The following ANO3 variants were observed in gnomAD, a reference collection of about 807,000 sequenced individuals.
The protein encoded by ANO3 is anoctamin-3.
A neutral mutation model predicts 144.8 loss-of-function variants in ANO3; 99 were observed. The ratio of observed to expected loss-of-function variants is 0.68; its 90% CI spans 0.58 to 0.81. The LOEUF is 0.81. Among genes scored for constraint, ANO3 ranks in the 30% least tolerant of loss-of-function variants. The probability of loss-of-function intolerance (pLI) is 0.00; values close to 1 mark genes in which losing one functional copy is unlikely to be tolerated. For missense variants in ANO3, 905 were observed against 1,202.2 expected (o/e 0.75, Z 3.66); for synonymous variants, 414 against 392.6 (o/e 1.05, Z -0.64).
intron 5 of ANO3, among the ~76,000 whole-genome samples, chr11:26,512,462 C>T (rs551006784): frequency 5.3e-5 from 8 of 152,244 alleles, no homozygotes; most frequent in African/African-American, 7.2e-5. Flanking sequence ...GCATCATCCC[C>T]GCACCAGCCC....
chr11:26,261,108 C>T (rs1178058155), intron 1 of ANO3, among the ~76,000 whole-genome samples: 4 of 152,128 alleles, frequency 2.6e-5, no homozygotes, highest in African/African-American at 7.2e-5. Context: ...GAGAATTTAA[C>T]TTTTCAGTTC....
chr11:26,659,079 T>TACAC lies in ANO3; in HGVS notation c.2764-1165_2764-1162dup, dbSNP rs145583088. ...ACTATGACAAGCAATCCTTGAGCCA[T>TACAC]ACACACACACACACACACACATATA... On this transcript the variant is annotated intron_variant, in intron 26 of 26. Transcript: ENST00000256737. Among the ~76,000 whole-genome samples, 858 of 147,720 alleles carry TACAC rather than the reference T, an allele frequency of 5.8e-3. 4 individuals are homozygous for TACAC. The highest frequency in any genetic ancestry group is 0.011 in the Middle Eastern group (3 of 284).
chr11:26,235,881 C>T (rs1852510625), intron 1 of ANO3, among the ~76,000 whole-genome samples: 1 of 152,128 alleles, frequency 6.6e-6, no homozygotes, highest in African/African-American at 2.4e-5. Context: ...TATCACTCCT[C>T]TCCCTCCATT....
upstream of ANO3, chr11:26,332,015 G>C: frequency 9.5e-7 from 1 of 1,050,730 alleles, no homozygotes; most frequent in Non-Finnish European, 1.3e-6. Context: ...CCCTCACTGT[G>C]GCACTGGACG....
chr11:26,394,427 A>G (rs957472468), intron 1 of ANO3, among the ~76,000 whole-genome samples: 2 of 152,068 alleles, frequency 1.3e-5, no homozygotes, highest in Admixed American at 6.6e-5. Flanking sequence ...TGCGGCTAGG[A>G]TGCTATTAAT....
At chr11:26,337,851 C>T (rs776904486) in intron 1 of ANO3, among the ~76,000 whole-genome samples, 4 of 152,018 alleles carry the variant, frequency 2.6e-5, no homozygotes, top group African/African-American at 9.7e-5. Flanking sequence ...AGGAGAATCA[C>T]TTGAACCAGG....
At chr11:26,310,510 C>A (rs895820544) in intron 1 of ANO3, among the ~76,000 whole-genome samples, 2 of 152,128 alleles carry the variant, frequency 1.3e-5, no homozygotes, top group Non-Finnish European at 2.9e-5. Context: ...TGCCTGAATA[C>A]CAAACTGAGA....
chr11:26,531,214 T>G lies in ANO3; in HGVS notation c.747T>G (p.Thr249=). Residue 249 remains threonine (T), a synonymous_variant, in exon 8 of 27, where the codon ACT becomes ACG. Transcript: ENST00000256737. ...GRSKSMGRMQ[T]YFRRIKNWMA... is the part of the protein sequence containing the mutation. ...TGTGACTTCATTCCAGGATGCAAAC[T>G]TATTTTAGAAGAATCAAAAACTGGA... The G allele has an allele frequency of 6.2e-7, 1 of 1,613,972 alleles. No individual in the cohort carries two copies.
intron 5 of ANO3, among the ~76,000 whole-genome samples, chr11:26,510,833 C>A (rs1004267696): frequency 4.6e-5 from 7 of 152,176 alleles, no homozygotes; most frequent in African/African-American, 1.7e-4. Context: ...AAACTTTTCT[C>A]AAGAATAATA....
chr11:26,423,145 C>A (rs1208220947), intron 1 of ANO3, among the ~76,000 whole-genome samples: 1 of 151,568 alleles, frequency 6.6e-6, no homozygotes, highest in Non-Finnish European at 1.5e-5. Context: ...GTGCCTAATC[C>A]TATGAAGAAA....
intron 1 of ANO3, among the ~76,000 whole-genome samples, chr11:26,215,202 TAGAG>T (rs1475448013): frequency 6.6e-6 from 1 of 152,024 alleles, no homozygotes; most frequent in African/African-American, 2.4e-5. Flanking sequence ...ATTTAAGGAA[TAGAG>T]AGTTATGCTT....
At chr11:26,559,495 A>G (rs1303114748) in intron 13 of ANO3, 3 of 490,154 alleles carry the variant, frequency 6.1e-6, no homozygotes, top group Non-Finnish European at 1.1e-5. Context: ...GGGAATCAAG[A>G]GAGGAGAGAA....
chr11:26,411,296 T>C (rs1857424742), intron 1 of ANO3, among the ~76,000 whole-genome samples: 1 of 151,948 alleles, frequency 6.6e-6, no homozygotes, highest in Admixed American at 6.6e-5. Context: ...AAAGCTATAG[T>C]CAAGAGAAGG....
At chr11:26,344,586 T>C (rs1389447704) in intron 1 of ANO3, among the ~76,000 whole-genome samples, 2 of 152,018 alleles carry the variant, frequency 1.3e-5, no homozygotes, top group Non-Finnish European at 2.9e-5. Context: ...AGGATGGTCT[T>C]GATCTCCTGA....
At chr11:26,356,439 T>C (rs1008256419) in intron 1 of ANO3, among the ~76,000 whole-genome samples, 7 of 152,230 alleles carry the variant, frequency 4.6e-5, no homozygotes, top group Non-Finnish European at 8.8e-5. Flanking sequence ...TCCACTAGTA[T>C]GCTTCTGTCA....
intron 1 of ANO3, among the ~76,000 whole-genome samples, chr11:26,302,337 A>C (rs1457295567): frequency 6.6e-6 from 1 of 152,172 alleles, no homozygotes; most frequent in Admixed American, 6.5e-5. Flanking sequence ...TTTACTAAAA[A>C]TACAAAAAAT....
At chr11:26,253,678 G>A (rs947180410) in intron 1 of ANO3, among the ~76,000 whole-genome samples, 1 of 152,098 alleles carries the variant, frequency 6.6e-6, no homozygotes, top group African/African-American at 2.4e-5. Context: ...TGTAGATAGA[G>A]AAGTTGAACT....
At chr11:26,368,793 T>C (rs998408287) in intron 1 of ANO3, among the ~76,000 whole-genome samples, 1 of 152,316 alleles carries the variant, frequency 6.6e-6, no homozygotes, top group East Asian at 1.9e-4. Flanking sequence ...TAGTGATTTA[T>C]GATATTATCC....
chr11:26,653,914 T>A (rs1590683585), intron 24 of ANO3, among the ~76,000 whole-genome samples: 3 of 152,258 alleles, frequency 2.0e-5, no homozygotes, highest in Middle Eastern at 6.8e-3. Context: ...CCAGCACCAT[T>A]TCTTGAAAAG....
Sources: gnomAD v4.1 joint callset for allele counts (sites outside exome capture counted in the v4.1 genomes callset) on GRCh38, gnomAD v4.1.1 for gene constraint, MANE v1.5 for transcripts, NCBI Gene and HGNC (gene_info 2026-07-23, HGNC 2026-07-21) for gene names.